Variants in LGR5 observed in about 807,000 individuals in gnomAD.
The protein encoded by LGR5 is leucine rich repeat containing G protein-coupled receptor 5.
A neutral mutation model predicts 76.7 loss-of-function variants in LGR5; 54 were observed. The observed-to-expected ratio is 0.70, with a 90% CI of 0.57 to 0.88. The LOEUF (loss-of-function observed/expected upper bound fraction) is 0.88. Among genes scored for constraint, LGR5 ranks in the 40% least tolerant of loss-of-function variants. The probability of loss-of-function intolerance (pLI) is 0.00; values close to 1 mark genes in which losing one functional copy is unlikely to be tolerated. For synonymous variants in LGR5, 406 were observed against 421.9 expected (o/e 0.96, Z 0.46); for missense variants, 1,078 against 1,073.3 (o/e 1.00, Z -0.06).
chr12:71,482,657 G>C (rs1337455313), intron 1 of LGR5, among the ~76,000 whole-genome samples: 2 of 152,154 alleles, frequency 1.3e-5, no homozygotes, highest in Admixed American at 1.3e-4. Context: ...AGGAGGGTGG[G>C]TGTTACTGGC....
chr12:71,531,183 G>T (rs1305986002), intron 3 of LGR5, among the ~76,000 whole-genome samples: 1 of 152,148 alleles, frequency 6.6e-6, no homozygotes, highest in African/African-American at 2.4e-5. Context: ...TGATAAAAAT[G>T]AAGTTTTAAG....
At chr12:71,475,559 T>C (rs751691293) in intron 1 of LGR5, among the ~76,000 whole-genome samples, 2 of 152,152 alleles carry the variant, frequency 1.3e-5, no homozygotes, top group Non-Finnish European at 2.9e-5. Context: ...TCTATTGTAG[T>C]TTCTGCAGAA....
chr12:71,577,519 T>C (rs981693687), intron 13 of LGR5, among the ~76,000 whole-genome samples: 7 of 152,196 alleles, frequency 4.6e-5, no homozygotes, highest in African/African-American at 7.2e-5. Context: ...CCAAATTTTT[T>C]TGAGTTTCAT....
intron 4 of LGR5, among the ~76,000 whole-genome samples, chr12:71,548,303 G>GTGTGTGTGTGTC (rs1311088899): frequency 7.9e-6 from 1 of 126,310 alleles, no homozygotes; most frequent in East Asian, 2.1e-4. Context: ...TTGTTGCACT[G>GTGTGTGTGTGTC]TGTGTGTGTG....
At chr12:71,457,373 G>A (rs1872524671) in intron 1 of LGR5, among the ~76,000 whole-genome samples, 1 of 152,074 alleles carries the variant, frequency 6.6e-6, no homozygotes. Flanking sequence ...AATTTGCTTT[G>A]ATCAGGAAGA....
chr12:71,583,982 G>T lies in LGR5; in HGVS notation c.1972G>T (p.Ala658Ser), dbSNP rs768784827. ...ATCATCTGTTTTCCTGCTTACTCTGGCAGCCCTGGAGCGTGGGTTCTCTGT... is the reference window on the plus strand; with the variant it reads ...ATCATCTGTTTTCCTGCTTACTCTGTCAGCCCTGGAGCGTGGGTTCTCTGT... ...SESSVFLLTLAALERGFSVKY... is the reference protein window; with the variant it reads ...SESSVFLLTLSALERGFSVKY... Residue 658 changes from alanine (A) to serine (S), a missense_variant, in exon 18 of 18, where the codon GCA (alanine) becomes TCA (serine). Transcript: ENST00000266674. 6.2e-7 allele frequency: 1 copy of T among 1,614,112 alleles called. No individual in the cohort carries two copies. The highest frequency in any genetic ancestry group is 8.5e-7 in the Non-Finnish European group (1 of 1,180,028).
Position 71,583,746 on chromosome 12 carries a change from C to T in LGR5, c.1736C>T (p.Thr579Ile). 1.9e-6 allele frequency: 3 copies of T among 1,614,092 alleles called. No homozygotes were observed. The highest frequency in any genetic ancestry group is 2.5e-6 in the Non-Finnish European group (3 of 1,180,026). The change falls in exon 18 of 18, where the codon ACT becomes ATT. Residue 579 changes from threonine to isoleucine, a missense_variant. Thr to Ile is a moderately conservative substitution (Grantham distance 89). Coordinates refer to ENST00000266674, the MANE Select transcript of LGR5 (RefSeq NM_003667.4). Reference sequence around the variant, plus strand: ...GCACTTACTTGTAATGCTTTGGTGACTTCAACAGTTTTCAGATCCCCTCTG... The same window carrying T: ...GCACTTACTTGTAATGCTTTGGTGATTTCAACAGTTTTCAGATCCCCTCTG... The part of the protein sequence containing the change: ...VLALTCNALV[T>I]STVFRSPLYI...
intron 6 of LGR5, among the ~76,000 whole-genome samples, chr12:71,559,010 T>G (rs1193214607): frequency 6.6e-6 from 1 of 152,222 alleles, no homozygotes; most frequent in East Asian, 1.9e-4. Flanking sequence ...GAAGAAATTC[T>G]AGACCAAATG....
At chr12:71,574,872 C>T (rs932434982) in intron 13 of LGR5, among the ~76,000 whole-genome samples, 6 of 152,212 alleles carry the variant, frequency 3.9e-5, no homozygotes, top group African/African-American at 9.6e-5. Flanking sequence ...TACTATAGAA[C>T]TTAATACTTA....
At chr12:71,507,468 A>C (rs1874912442) in intron 2 of LGR5, among the ~76,000 whole-genome samples, 1 of 152,180 alleles carries the variant, frequency 6.6e-6, no homozygotes, top group Non-Finnish European at 1.5e-5. Context: ...AAAGAAAGCA[A>C]TGAAGAGCTG....
intron 1 of LGR5, among the ~76,000 whole-genome samples, chr12:71,492,944 G>A (rs964061359): frequency 6.6e-6 from 1 of 151,146 alleles, no homozygotes; most frequent in Non-Finnish European, 1.5e-5. Flanking sequence ...TAATTCAGCT[G>A]TATCAGTAAC....
At chr12:71,551,536 A>G (rs996338712) in intron 4 of LGR5, among the ~76,000 whole-genome samples, 1 of 152,204 alleles carries the variant, frequency 6.6e-6, no homozygotes, top group African/African-American at 2.4e-5. Context: ...TGTGCGTCTT[A>G]AAAGCAGATT....
Position 71,563,383 on chromosome 12 carries a change from G to A in LGR5, c.857+1531G>A, listed in dbSNP as rs137911341. Reference sequence around the variant, plus strand: ...GACATCCAGATTTTCACCAGTCTGCGTGAGGCTGGCCTCCCTCCCTTCACC... The same window carrying A: ...GACATCCAGATTTTCACCAGTCTGCATGAGGCTGGCCTCCCTCCCTTCACC... On this transcript the variant is annotated intron_variant, in intron 8 of 17. Transcript: ENST00000266674. Among the ~76,000 whole-genome samples, 68 of 152,244 alleles carry A rather than the reference G, an allele frequency of 4.5e-4. 2 individuals are homozygous for A. In the East Asian group the frequency reaches 0.012, roughly 28 times the overall value.
intron 1 of LGR5, among the ~76,000 whole-genome samples, chr12:71,459,021 C>T (rs1489759090): frequency 2.0e-5 from 3 of 151,802 alleles, no homozygotes; most frequent in African/African-American, 7.3e-5. Context: ...TCTAGACTTT[C>T]CCATTTAAGT....
intron 1 of LGR5, among the ~76,000 whole-genome samples, chr12:71,501,533 G>C (rs868249421): frequency 6.6e-6 from 1 of 152,160 alleles, no homozygotes; most frequent in Non-Finnish European, 1.5e-5. Flanking sequence ...AGTAATTTAA[G>C]CCTCACCATT....
chr12:71,509,829 A>AG (rs1214244844), intron 2 of LGR5, among the ~76,000 whole-genome samples: 3 of 152,294 alleles, frequency 2.0e-5, no homozygotes, highest in East Asian at 1.9e-4. Flanking sequence ...GAGAAGCTCT[A>AG]GGGGGGTCTG....
intron 1 of LGR5, among the ~76,000 whole-genome samples, chr12:71,499,860 C>T (rs1041487902): frequency 1.3e-5 from 2 of 152,072 alleles, no homozygotes; most frequent in African/African-American, 4.8e-5. Flanking sequence ...GATGACCAGA[C>T]AGACTTCTCA....
At chr12:71,505,283 T>A (rs1874797878) in intron 2 of LGR5, among the ~76,000 whole-genome samples, 1 of 152,224 alleles carries the variant, frequency 6.6e-6, no homozygotes, top group Admixed American at 6.5e-5. Context: ...AAGCTAAAAT[T>A]AGTTAATGAT....
rs1241459340 is a variant in LGR5 at position 71,483,633 on chromosome 12, G to A, written c.213-20981G>A. On this transcript the variant is annotated intron_variant, in intron 1 of 17. Coordinates refer to ENST00000266674, the MANE Select transcript of LGR5 (RefSeq NM_003667.4). ...ACAAGCCTTGGAGTCACACAACTGG[G>A]TTCAGACTCTGACTCTGCTGCTTAC... Among the ~76,000 whole-genome samples the A allele has an allele frequency of 2.0e-5, 3 of 152,170 alleles. No individual in the cohort carries two copies. In the East Asian group the frequency reaches 5.8e-4, roughly 29 times the overall value.
Sources: allele counts gnomAD v4.1 joint callset (sites outside exome capture counted in the v4.1 genomes callset), GRCh38; gene constraint gnomAD v4.1.1; transcripts MANE v1.5; gene names NCBI Gene and HGNC (gene_info 2026-07-23, HGNC 2026-07-21).